SGSM1: variants seen among roughly 807,000 people sequenced by gnomAD.
The protein encoded by SGSM1 is RUN and TBC1 domain containing 2.
SGSM1 carries 73 observed loss-of-function variants against 133.8 expected under a neutral mutation model. The ratio of observed to expected loss-of-function variants is 0.55; its 90% CI spans 0.45 to 0.66. The LOEUF (loss-of-function observed/expected upper bound fraction) is 0.66, where lower values mean the gene tolerates loss of function less well. SGSM1 is among the 30% of genes least tolerant of loss of function. The pLI, the probability that SGSM1 is intolerant of heterozygous loss-of-function variation, is 0.00. For synonymous variants in SGSM1, 563 were observed against 573.0 expected, an observed-to-expected ratio of 0.98 and a Z score of 0.25; for missense variants, 1,213 against 1,448.1, an observed-to-expected ratio of 0.84 and a Z score of 2.64.
intron 5 of SGSM1, among the ~76,000 whole-genome samples, chr22:24,853,318 G>A (rs1226037149): frequency 2.0e-5 from 3 of 152,180 alleles, no homozygotes; most frequent in Non-Finnish European, 4.4e-5. Flanking sequence ...CAAATAAATC[G>A]CTTACCCTCT....
intron 8 of SGSM1, chr22:24,855,977 C>A: frequency 1.8e-6 from 1 of 568,998 alleles, no homozygotes; most frequent in Non-Finnish European, 3.3e-6. Context: ...ACCCATCCAC[C>A]CATCTTTACA....
chr22:24,884,303 T>C, intron 15 of SGSM1, 105 bp downstream of exon 15: 1 of 1,427,684 alleles, frequency 7.0e-7, no homozygotes, highest in Middle Eastern at 1.9e-4. Flanking sequence ...TGAGCTGACG[T>C]GCTTGGATTC....
Position 24,898,229 on chromosome 22 carries a change from G to C in SGSM1, c.2280G>C (p.Gln760His), listed in dbSNP as rs558294254. Reference sequence around the variant, plus strand: ...GGGATGGCAGCGTGGATGACAGGCAGAGCAGCGAGGCCACCACATCTCAGG... The same window carrying C: ...GGGATGGCAGCGTGGATGACAGGCACAGCAGCGAGGCCACCACATCTCAGG... ...RPRDGSVDDR[Q>H]SSEATTSQDE... The change falls in exon 19 of 25, where the codon CAG (glutamine) becomes CAC (histidine). Residue 760 changes from glutamine to histidine, a missense_variant. Gln to His is a conservative substitution (Grantham distance 24). Transcript: ENST00000400358. 4 of 1,613,608 alleles carry C rather than the reference G, an allele frequency of 2.5e-6. No homozygotes were observed. In the African/African-American group the frequency reaches 4.0e-5, roughly 16 times the overall value.
At chr22:24,824,279 G>T (rs60173695) in intron 2 of SGSM1, among the ~76,000 whole-genome samples, 3 of 152,136 alleles carry the variant, frequency 2.0e-5, no homozygotes, top group African/African-American at 7.2e-5. Flanking sequence ...GAGTCACCTG[G>T]GTCACACAGA....
intron 2 of SGSM1, among the ~76,000 whole-genome samples, chr22:24,836,884 G>A (rs1432559043): frequency 1.3e-5 from 2 of 152,152 alleles, no homozygotes; most frequent in African/African-American, 4.8e-5. Context: ...CGTTTTCACT[G>A]TTTATTTTGT....
chr22:24,882,500 C>T (rs1932386665), intron 14 of SGSM1, among the ~76,000 whole-genome samples: 1 of 152,184 alleles, frequency 6.6e-6, no homozygotes, highest in Non-Finnish European at 1.5e-5. Flanking sequence ...TCACTTCAAA[C>T]ATTTATCTTC....
chr22:24,906,317 A>G (rs139748), intron 21 of SGSM1, among the ~76,000 whole-genome samples: 28,361 of 152,212 alleles, frequency 0.19, 3,098 homozygotes, highest in East Asian at 0.42. Context: ...AATGGTGAAA[A>G]ACTGAACACT....
chr22:24,851,808 G>A (rs940187225), intron 5 of SGSM1, among the ~76,000 whole-genome samples: 4 of 152,196 alleles, frequency 2.6e-5, no homozygotes, highest in African/African-American at 9.6e-5. Context: ...CAGGTGATGG[G>A]ATGGGGAACA....
At chr22:24,864,381 T>C (rs1440084386) in intron 9 of SGSM1, among the ~76,000 whole-genome samples, 1 of 152,204 alleles carries the variant, frequency 6.6e-6, no homozygotes, top group Non-Finnish European at 1.5e-5. Flanking sequence ...TATAACAGCA[T>C]TATTCATAAT....
At chr22:24,855,855 A>G in intron 8 of SGSM1, 175 bp downstream of exon 8, 3 of 909,390 alleles carry the variant, frequency 3.3e-6, no homozygotes, top group South Asian at 2.8e-5. Context: ...ACACGCACCC[A>G]TCCTTACATC....
chr22:24,893,079 CGGAGGGG>C (rs1039018921), intron 16 of SGSM1, among the ~76,000 whole-genome samples: 12 of 130,930 alleles, frequency 9.2e-5, no homozygotes, highest in Non-Finnish European at 1.6e-4. Flanking sequence ...AGGAAGGAAG[CGGAGGGG>C]GGGGAGGGAA....
intron 2 of SGSM1, among the ~76,000 whole-genome samples, chr22:24,806,841 G>T (rs564944250): frequency 6.6e-6 from 1 of 152,046 alleles, no homozygotes; most frequent in Non-Finnish European, 1.5e-5. Context: ...GAAGCTGCTA[G>T]GGGGACGCCC....
chr22:24,920,610 A>G (rs1452936408), intron 24 of SGSM1, among the ~76,000 whole-genome samples: 1 of 152,208 alleles, frequency 6.6e-6, no homozygotes, highest in African/African-American at 2.4e-5. Flanking sequence ...GAGGGACCCA[A>G]TAAACAAAAG....
At chr22:24,922,612 A>T (rs1934053161) in intron 24 of SGSM1, among the ~76,000 whole-genome samples, 1 of 150,400 alleles carries the variant, frequency 6.6e-6, no homozygotes. Flanking sequence ...AGTAGCTGGG[A>T]CTACAGGCAT....
In SGSM1 at chr22:24,882,680, C is replaced by T. The variant is rs113938363; in HGVS notation, c.1496-1373C>T. Among the ~76,000 whole-genome samples, 966 of 152,268 alleles carry T rather than the reference C, an allele frequency of 6.3e-3. 11 individuals are homozygous for T. Among genetic ancestry groups the T allele is most frequent in the African/African-American group, 0.022 (898 of 41,548 alleles). On this transcript the variant is annotated intron_variant, in intron 14 of 24. Transcript: ENST00000400358. ...TCCTTCTGACCTCCTTCCCTTCCTA[C>T]CCTCTGGTAACCACTAGTCCACTCT...
rs576074602 is a variant in SGSM1 at position 24,892,155 on chromosome 22, C to T, written c.1771-1276C>T. On this transcript the variant is annotated intron_variant, in intron 16 of 24. Transcript: ENST00000400358. ...GTGGTGTAACCCTGGCCCAGGATGG[C>T]ACTGGGAATTGGGAGGTGGGCAGGG... 2.6e-5 allele frequency among the ~76,000 whole-genome samples: 4 copies of T among 152,170 alleles called. 1 individual carries two copies. The East Asian group carries it at 7.7e-4, about 29-fold the overall frequency.
At chr22:24,918,647 AC>A (rs1284846696) in intron 23 of SGSM1, among the ~76,000 whole-genome samples, 1 of 152,044 alleles carries the variant, frequency 6.6e-6, no homozygotes. Flanking sequence ...AGAAGTAACT[AC>A]CCCAGGCTCC....
intron 2 of SGSM1, among the ~76,000 whole-genome samples, chr22:24,836,046 G>T (rs746941693): frequency 1.3e-5 from 2 of 152,022 alleles, no homozygotes; most frequent in Non-Finnish European, 2.9e-5. Context: ...ATTCTTGTGT[G>T]CCAACCTCCA....
In SGSM1 at chr22:24,884,104, T is replaced by C; in HGVS notation, c.1547T>C (p.Leu516Pro). 1.2e-6 allele frequency: 2 copies of C among 1,613,700 alleles called. No homozygotes were observed. Among genetic ancestry groups the C allele is most frequent in the Non-Finnish European group, 1.7e-6 (2 of 1,179,796 alleles). Residue 516 changes from leucine (L) to proline (P), a missense_variant, in exon 15 of 25, where the codon CTG becomes CCG. Physicochemically the swap from Leu to Pro is moderately conservative, Grantham distance 98 (BLOSUM62 -3). Coordinates refer to ENST00000400358, the MANE Select transcript of SGSM1 (RefSeq NM_001098497.3). ...ACCGTGAGAACCCACCTATCAGCCC[T>C]GGTCAATCACATGATCGTGTCTCCA... ...LSTVRTHLSA[L>P]VNHMIVSPDL...
Sources: gnomAD v4.1 joint callset for allele counts (sites outside exome capture counted in the v4.1 genomes callset) on GRCh38, gnomAD v4.1.1 for gene constraint, MANE v1.5 for transcripts, NCBI Gene and HGNC (gene_info 2026-07-23, HGNC 2026-07-21) for gene names.